Variants in CDH4 observed in about 807,000 individuals in gnomAD.
CDH4 encodes cadherin-4.
CDH4 carries 33 observed loss-of-function variants against 86.0 expected under a neutral mutation model. The ratio of observed to expected loss-of-function variants is 0.38; its 90% CI spans 0.29 to 0.51. The LOEUF (loss-of-function observed/expected upper bound fraction) is 0.51, where lower values mean the gene tolerates loss of function less well. Among genes scored for constraint, CDH4 ranks in the 20% least tolerant of loss-of-function variants. The pLI, the probability that CDH4 is intolerant of heterozygous loss-of-function variation, is 0.86. For synonymous variants in CDH4, 555 were observed against 549.4 expected, an observed-to-expected ratio of 1.01 and a Z score of -0.14; for missense variants, 1,114 against 1,307.4, an observed-to-expected ratio of 0.85 and a Z score of 2.28.
At chr20:61,459,476 C>T (rs557505044) in intron 2 of CDH4, among the ~76,000 whole-genome samples, 89 of 140,492 alleles carry the variant, frequency 6.3e-4, no homozygotes, top group Non-Finnish European at 1.3e-3. Context: ...GCCTGCGCCC[C>T]CCAGGACTCC....
intron 2 of CDH4, among the ~76,000 whole-genome samples, chr20:61,638,978 G>A (rs181295688): frequency 3.9e-5 from 6 of 152,294 alleles, no homozygotes; most frequent in South Asian, 2.1e-4. Context: ...AATGAATGAC[G>A]CCATGTGGAG....
intron 2 of CDH4, among the ~76,000 whole-genome samples, chr20:61,694,853 G>A (rs924115412): frequency 4.6e-5 from 7 of 152,206 alleles, no homozygotes; most frequent in African/African-American, 9.7e-5. Flanking sequence ...CTGGCGATAC[G>A]CGGCAGATAG....
chr20:61,290,604 G>A (rs1357937316), intron 2 of CDH4, among the ~76,000 whole-genome samples: 1 of 152,226 alleles, frequency 6.6e-6, no homozygotes. Context: ...CCTGGTCCTT[G>A]CAGATGGCAT....
At chr20:61,847,521 C>T (rs1207051943) in intron 5 of CDH4, among the ~76,000 whole-genome samples, 1 of 152,258 alleles carries the variant, frequency 6.6e-6, no homozygotes, top group East Asian at 1.9e-4. Flanking sequence ...CCACCTCCTG[C>T]CATGCCGTGC....
chr20:61,486,102 C>G (rs898872934), intron 2 of CDH4, among the ~76,000 whole-genome samples: 2 of 152,220 alleles, frequency 1.3e-5, no homozygotes, highest in African/African-American at 4.8e-5. Flanking sequence ...TCCAGGATAT[C>G]ACGAGCCCAA....
In CDH4 at chr20:61,928,272, G is replaced by C. The variant is rs1302417277; in HGVS notation, c.1854G>C (p.Lys618Asn). 3.1e-6 allele frequency: 5 copies of C among 1,609,436 alleles called. No homozygotes were observed. The Admixed American group carries it at 8.3e-5, about 27-fold the overall frequency. Residue 618 changes from lysine to asparagine, a missense_variant, in exon 12 of 16, where the codon AAG (lysine) becomes AAC (asparagine). This residue lies in a region of CDH4 where 705 missense variants were observed against 914.1 expected (regional missense o/e 0.77). Transcript: ENST00000614565. ...ACAACGCCCCTGAGCTGCTGCCCAA[G>C]GAGGCGCAGATCTGCGAGAAGCCCA... ...INDNAPELLP[K>N]EAQICEKPNL... is the part of the protein sequence containing the mutation.
intron 2 of CDH4, among the ~76,000 whole-genome samples, chr20:61,616,291 C>G (rs974907378): frequency 5.9e-5 from 9 of 152,240 alleles, no homozygotes; most frequent in Non-Finnish European, 1.2e-4. Context: ...CAGCCAGCCT[C>G]TGTGTGGGGC....
intron 2 of CDH4, among the ~76,000 whole-genome samples, chr20:61,321,702 T>C (rs2084509465): frequency 6.6e-6 from 1 of 152,130 alleles, no homozygotes; most frequent in African/African-American, 2.4e-5. Flanking sequence ...GCCTGCAGAA[T>C]TGGTGCTTCT....
chr20:61,804,500 A>G (rs1316819746), intron 4 of CDH4, among the ~76,000 whole-genome samples: 3 of 151,842 alleles, frequency 2.0e-5, no homozygotes, highest in Non-Finnish European at 4.4e-5. Context: ...TGCTGTCTGG[A>G]CCTCTGAGCC....
chr20:61,908,402 C>T (rs2054814855), intron 8 of CDH4, among the ~76,000 whole-genome samples: 1 of 152,198 alleles, frequency 6.6e-6, no homozygotes, highest in Non-Finnish European at 1.5e-5. Context: ...ATGTCTTTGT[C>T]CACTGGTCTA....
In CDH4 at chr20:61,929,709, C is replaced by T. The variant is rs1238415598; in HGVS notation, c.2106C>T (p.Asn702=). 1 of 1,614,086 alleles carries T rather than the reference C, an allele frequency of 6.2e-7. No homozygotes were observed. Among genetic ancestry groups the T allele is most frequent in the East Asian group, 2.2e-5 (1 of 44,884 alleles). ...VTDSGNPPLS[N]TSIIKVKVCP... is the part of the protein sequence containing the mutation. Reference sequence around the variant, plus strand: ...ACTCTGGAAACCCTCCCCTGTCCAACACGTCCATCATCAAAGTCAAGGTGT... The same window carrying T: ...ACTCTGGAAACCCTCCCCTGTCCAATACGTCCATCATCAAAGTCAAGGTGT... Residue 702 remains asparagine (N), a synonymous_variant, in exon 13 of 16, where the codon AAC becomes AAT. Transcript: ENST00000614565.
At chr20:61,256,206 C>T (rs906796577) in intron 2 of CDH4, among the ~76,000 whole-genome samples, 7 of 152,034 alleles carry the variant, frequency 4.6e-5, no homozygotes, top group Non-Finnish European at 8.8e-5. Flanking sequence ...GGATCCTTCA[C>T]TCTCAGTGCG....
chr20:61,312,711 A>C (rs371764421), intron 2 of CDH4, among the ~76,000 whole-genome samples: 1 of 151,716 alleles, frequency 6.6e-6, no homozygotes, highest in Non-Finnish European at 1.5e-5. Context: ...CCTTCCAGCT[A>C]CTCCATGTCC....
Position 61,342,663 on chromosome 20 carries a change from G to A in CDH4, c.169+87726G>A, listed in dbSNP as rs184426911. ...CAGACCAGGACCAGTCCAGTCCCGG[G>A]GGTTGGGGACCCCGACTCAGACCAT... On this transcript the variant is annotated intron_variant, in intron 2 of 15. Coordinates refer to ENST00000614565, the MANE Select transcript of CDH4 (RefSeq NM_001794.5). Among the ~76,000 whole-genome samples the A allele has an allele frequency of 4.2e-4, 64 of 152,296 alleles. 1 individual carries two copies. The highest frequency in any genetic ancestry group is 1.2e-3 in the Admixed American group (18 of 15,300).
At chr20:61,562,109 C>A (rs1471347917) in intron 2 of CDH4, among the ~76,000 whole-genome samples, 1 of 75,704 alleles carries the variant, frequency 1.3e-5, no homozygotes, top group Admixed American at 1.6e-4. Flanking sequence ...CCAGGGCTCC[C>A]GGAGAGAGGG....
chr20:61,388,308 C>G (rs1458429886), intron 2 of CDH4, among the ~76,000 whole-genome samples: 1 of 152,132 alleles, frequency 6.6e-6, no homozygotes, highest in Non-Finnish European at 1.5e-5. Context: ...ACCCCCGTCT[C>G]ACTTTTCGCC....
chr20:61,397,319 C>T (rs2085023245), intron 2 of CDH4, among the ~76,000 whole-genome samples: 1 of 152,114 alleles, frequency 6.6e-6, no homozygotes, highest in Non-Finnish European at 1.5e-5. Flanking sequence ...AGGGCAGCTG[C>T]AGGAGGGGGT....
intron 2 of CDH4, among the ~76,000 whole-genome samples, chr20:61,492,046 G>A (rs1183372941): frequency 1.3e-5 from 2 of 151,524 alleles, no homozygotes; most frequent in African/African-American, 4.9e-5. Context: ...GATGTTGGTG[G>A]TATTGATGTT....
At chr20:61,817,243 C>T (rs1015880690) in intron 4 of CDH4, among the ~76,000 whole-genome samples, 16 of 152,224 alleles carry the variant, frequency 1.1e-4, no homozygotes, top group African/African-American at 3.9e-4. Context: ...GATCAGGACC[C>T]CAAGGCAGGG....
Sources: allele counts gnomAD v4.1 joint callset (sites outside exome capture counted in the v4.1 genomes callset), GRCh38; gene constraint gnomAD v4.1.1; regional missense constraint gnomAD v4.1.1; transcripts MANE v1.5; gene names NCBI Gene and HGNC (gene_info 2026-07-23, HGNC 2026-07-21).